C1orf167: variants seen among roughly 807,000 people sequenced by gnomAD.
C1orf167 encodes the protein chromosome 1 open reading frame 167, also known as uncharacterized protein C1orf167.
C1orf167 carries 153 observed loss-of-function variants against 176.5 expected under a neutral mutation model. That is an observed-to-expected ratio of 0.87 (90% CI 0.76 to 0.99). C1orf167 has a LOEUF of 0.99. Among genes scored for constraint, C1orf167 ranks in the 50% least tolerant of loss-of-function variants. The pLI is 0.00. For synonymous variants in C1orf167, 594 were observed against 752.7 expected (o/e 0.79, Z 3.45); for missense variants, 1,490 against 1,817.7 (o/e 0.82, Z 3.28).
At chr1:11,769,740 C>T (rs61773947) in intron 6 of C1orf167, among the ~76,000 whole-genome samples, 18,482 of 148,898 alleles carry the variant, frequency 0.12, 1,410 homozygotes, top group South Asian at 0.22. Context: ...GGCACAATCT[C>T]AGCTCACTGC....
chr1:11,773,320 C>T lies in C1orf167; in HGVS notation c.1988+1061C>T, dbSNP rs186781845. Among the ~76,000 whole-genome samples, 300 of 152,312 alleles carry T rather than the reference C, an allele frequency of 2.0e-3. 1 individual carries two copies. Among genetic ancestry groups the T allele is most frequent in the Middle Eastern group, 0.01 (3 of 294 alleles). Reference sequence around the variant, plus strand: ...TCATGTGTACTCCAAATACATCCCCCGCTCCAAATTATTTTGAGGCAAATC... The same window carrying T: ...TCATGTGTACTCCAAATACATCCCCTGCTCCAAATTATTTTGAGGCAAATC... On this transcript the variant is annotated intron_variant, in intron 8 of 20. Coordinates refer to ENST00000688073, the MANE Select transcript of C1orf167 (RefSeq NM_001010881.2).
At chr1:11,772,304 C>A in intron 8 of C1orf167, 45 bp downstream of exon 8, 1 of 1,269,430 alleles carries the variant, frequency 7.9e-7, no homozygotes. Flanking sequence ...CTCACTCTGT[C>A]ACCTAGGCTG....
rs138269689 is a variant in C1orf167, at chr1:11,776,467, G to A, written c.2168G>A (p.Arg723His). The A allele has an allele frequency of 3.2e-4, 412 of 1,301,622 alleles. 2 individuals are homozygous for A. The highest frequency in any genetic ancestry group is 3.1e-3 in the African/African-American group (202 of 65,834). 80.6% of individuals were successfully genotyped at this position (1,301,622 alleles called of 1,614,324 possible). A position where few individuals can be genotyped will look rare whatever the true frequency, so the allele number is the denominator to read the frequency against. ...TGGACTCTTGACGGTTTCTCAGGAC[G>A]TGAGGCTGTCTACACCGCAGGCCCT... ...QLSLCRQKAG[R>H]EAVYTAGPGA... The change falls in exon 10 of 21, where the codon CGT becomes CAT. Residue 723 changes from arginine to histidine, a missense_variant. Physicochemically the swap from Arg to His is conservative, Grantham distance 29. Transcript: ENST00000688073.
rs1461132699 is a variant in C1orf167 at position 11,775,536 on chromosome 1, G to T, written c.2090G>T (p.Trp697Leu). Residue 697 changes from tryptophan (W) to leucine (L), a missense_variant, in exon 9 of 21, where the codon TGG becomes TTG. Coordinates refer to ENST00000688073, the MANE Select transcript of C1orf167 (RefSeq NM_001010881.2). ...TGTLRKCLEQ[W>L]VRMKQLRESD... ...ACCCTGAGGAAATGCCTGGAACAGT[G>T]GGTGCGGATGAAGCAGCTCCGGGAA... is the stretch of plus-strand genomic sequence containing the variant. The T allele has an allele frequency of 1.5e-6, 2 of 1,304,274 alleles. No individual in the cohort carries two copies. 80.8% of individuals were successfully genotyped at this position (1,304,274 alleles called of 1,614,324 possible).
In C1orf167 at chr1:11,771,555, C is replaced by G; in HGVS notation, c.1729C>G (p.Gln577Glu). The part of the protein sequence containing the change: ...PGSLREEEIA[Q>E]RLLSHPRQRT... ...AAGTCTGAGGGAGGAGGAGATTGCT[C>G]AGCGGCTTCTGTCACATCCTAGGCA... is the stretch of plus-strand genomic sequence containing the variant. Residue 577 changes from glutamine to glutamate, a missense_variant, in exon 7 of 21, where the codon CAG becomes GAG. Coordinates refer to ENST00000688073, the MANE Select transcript of C1orf167 (RefSeq NM_001010881.2). 1 of 1,289,738 alleles carries G rather than the reference C, an allele frequency of 7.8e-7. No homozygotes were observed. The highest frequency in any genetic ancestry group is 1.5e-5 in the African/African-American group (1 of 65,952). 79.9% of individuals were successfully genotyped at this position (1,289,738 alleles called of 1,614,324 possible).
At chr1:11,765,449 C>G (rs1642743700) in intron 2 of C1orf167, among the ~76,000 whole-genome samples, 1 of 152,150 alleles carries the variant, frequency 6.6e-6, no homozygotes, top group Non-Finnish European at 1.5e-5. Flanking sequence ...CCTCTTTGCT[C>G]AAGCCAGAAA....
chr1:11,764,164 A>G (rs1642672631), intron 1 of C1orf167, among the ~76,000 whole-genome samples, 167 bp from the exon 2 acceptor site: 1 of 152,124 alleles, frequency 6.6e-6, no homozygotes, highest in African/African-American at 2.4e-5. Context: ...GGGGGTGATA[A>G]GTAGGGCAGG....
chr1:11,788,757 TC>T lies in C1orf167; in HGVS notation c.4173+14del, dbSNP rs1483422304. ...GCAGCAGGAAGATGGGTGGGTCCTTTCCCAGGTACTGCCCTCTTCCCTGCAT... is the reference window on the plus strand; with the variant it reads ...GCAGCAGGAAGATGGGTGGGTCCTTTCCAGGTACTGCCCTCTTCCCTGCAT... On this transcript the variant is annotated intron_variant, in intron 20 of 20. Coordinates refer to ENST00000688073, the MANE Select transcript of C1orf167 (RefSeq NM_001010881.2). The T allele has an allele frequency of 1.5e-5, 19 of 1,303,542 alleles. No homozygotes were observed. Among genetic ancestry groups the T allele is most frequent in the Non-Finnish European group, 1.8e-5 (18 of 988,560 alleles). The allele number at this position is 1,303,542 out of a possible 1,614,324, so 80.7% of individuals were successfully genotyped here.
In C1orf167 at chr1:11,771,515, T is replaced by G. The variant is rs1446960969; in HGVS notation, c.1698-9T>G. The G allele has an allele frequency of 1.6e-6, 2 of 1,288,570 alleles. No homozygotes were observed. The highest frequency in any genetic ancestry group is 4.6e-5 in the Admixed American group (2 of 43,554). 79.8% of individuals were successfully genotyped at this position (1,288,570 alleles called of 1,614,324 possible). On this transcript the variant is annotated splice_polypyrimidine_tract_variant and intron_variant, in intron 6 of 20. Transcript: ENST00000688073. ...TCATCAGCTTCTCTCTGGGCAACTTTGCTTTTAGTCCAGGAAGTCTGAGGG... is the reference window on the plus strand; with the variant it reads ...TCATCAGCTTCTCTCTGGGCAACTTGGCTTTTAGTCCAGGAAGTCTGAGGG...
In C1orf167 at chr1:11,789,535, G is replaced by A; in HGVS notation, c.*89G>A. 8.5e-7 allele frequency: 1 copy of A among 1,170,990 alleles called. No individual in the cohort carries two copies. The highest frequency in any genetic ancestry group is 1.1e-6 in the Non-Finnish European group (1 of 892,982). The allele number at this position is 1,170,990 out of a possible 1,614,324, so 72.5% of individuals were successfully genotyped here. A position where few individuals can be genotyped will look rare whatever the true frequency, so the allele number is the denominator to read the frequency against. Reference sequence around the variant, plus strand: ...ACACATCCAGGGAGTGATGACAGAGGGGACAGCTTGAAGAGCTCTGAAGGA... The same window carrying A: ...ACACATCCAGGGAGTGATGACAGAGAGGACAGCTTGAAGAGCTCTGAAGGA... On this transcript the variant is annotated 3_prime_UTR_variant, in exon 21 of 21. Transcript: ENST00000688073.
rs144054436 is a variant in C1orf167, at chr1:11,785,618, C to T, written c.3567+329C>T. 1.5e-3 allele frequency: 264 copies of T among 178,298 alleles called. 4 individuals are homozygous for T. Among genetic ancestry groups the T allele is most frequent in the African/African-American group, 5.7e-3 (244 of 43,006 alleles). The allele number at this position is 178,298 out of a possible 1,614,324, so 11.0% of individuals were successfully genotyped here. On this transcript the variant is annotated intron_variant, in intron 16 of 20. Transcript: ENST00000688073. The stretch of plus-strand genomic sequence containing the variant: ...AGTGCCAGGCCACTGCAGGTCCGGC[C>T]GCAAAGACCAGCATGTTGGGTCACA...
rs1455814000 is a variant in C1orf167, at chr1:11,768,137, G to A, written c.1404G>A (p.Glu468=). Residue 468 remains glutamate, a synonymous_variant, in exon 5 of 21, where the codon GAG becomes GAA. Coordinates refer to ENST00000688073, the MANE Select transcript of C1orf167 (RefSeq NM_001010881.2). The surrounding 1 kb of genome is among the most constrained non-coding windows in gnomAD (Gnocchi z 4.5). ...GGCACTTGGTGAAGAGGCAGCGGGA[G>A]CCAGCGGCGGCGGCAGTGGCACTGG... ...SWRHLVKRQR[E]PAAAAVALGR... is the part of the protein sequence containing the mutation. 1 of 1,289,718 alleles carries A rather than the reference G, an allele frequency of 7.8e-7. No individual in the cohort carries two copies. Among genetic ancestry groups the A allele is most frequent in the Non-Finnish European group, 1.0e-6 (1 of 988,840 alleles). 79.9% of individuals were successfully genotyped at this position (1,289,718 alleles called of 1,614,324 possible). A position where few individuals can be genotyped will look rare whatever the true frequency, so the allele number is the denominator to read the frequency against.
Position 11,775,588 on chromosome 1 carries a change from G to A in C1orf167, c.2142G>A (p.Leu714=). The change falls in exon 9 of 21, where the codon CTG becomes CTA. Residue 714 remains leucine, a synonymous_variant. Transcript: ENST00000688073. The part of the protein sequence containing the change: ...RESDGAKVTQ[L]SLCRQKAGRE... Reference sequence around the variant, plus strand: ...CAGATGGGGCAAAGGTGACCCAGCTGTCCCTCTGCCGGCAGAAAGCAGGTG... The same window carrying A: ...CAGATGGGGCAAAGGTGACCCAGCTATCCCTCTGCCGGCAGAAAGCAGGTG... 2.3e-6 allele frequency: 3 copies of A among 1,303,502 alleles called. No individual in the cohort carries two copies. Among genetic ancestry groups the A allele is most frequent in the Non-Finnish European group, 3.0e-6 (3 of 988,646 alleles). The allele number at this position is 1,303,502 out of a possible 1,614,324, so 80.7% of individuals were successfully genotyped here. A position where few individuals can be genotyped will look rare whatever the true frequency, so the allele number is the denominator to read the frequency against.
chr1:11,779,588 G>A (rs1643495160), intron 12 of C1orf167: 1 of 324,036 alleles, frequency 3.1e-6, no homozygotes, highest in African/African-American at 2.2e-5. Context: ...TGGGGGTCTA[G>A]AATCCCACCC....
intron 6 of C1orf167, 67 bp from the exon 7 acceptor site, chr1:11,771,457 G>A (rs1427987769): frequency 1.9e-6 from 2 of 1,042,662 alleles, no homozygotes; most frequent in Non-Finnish European, 2.6e-6. Context: ...GGGTGGGGCG[G>A]ACAGGTTGGG....
intron 6 of C1orf167, among the ~76,000 whole-genome samples, chr1:11,771,297 T>TA (rs146737787): frequency 0.099 from 14,922 of 151,424 alleles, 800 homozygotes; most frequent in South Asian, 0.19. Flanking sequence ...GTTTGTTGTT[T>TA]AAAAAAATCC....
chr1:11,769,492 C>A (rs1371000372), intron 6 of C1orf167, among the ~76,000 whole-genome samples: 2 of 151,910 alleles, frequency 1.3e-5, no homozygotes, highest in Non-Finnish European at 2.9e-5. Context: ...CACTTGAGGC[C>A]AGGAAATCAA....
intron 20 of C1orf167, 186 bp downstream of exon 20, chr1:11,788,932 G>C (rs1643992066): frequency 2.3e-6 from 1 of 433,582 alleles, no homozygotes; most frequent in Non-Finnish European, 4.0e-6. Flanking sequence ...CCCTTGCTTT[G>C]ATTTGTGGCC....
intron 6 of C1orf167, 22 bp from the exon 7 acceptor site, chr1:11,771,502 C>T (rs1262827797): frequency 1.6e-6 from 2 of 1,283,846 alleles, no homozygotes; most frequent in East Asian, 5.6e-5. Context: ...ATCAGCTTCT[C>T]TCTGGGCAAC....
Sources: gnomAD v4.1 joint callset for allele counts (sites outside exome capture counted in the v4.1 genomes callset) on GRCh38, gnomAD v4.1.1 for gene constraint, Gnocchi (gnomAD v3.1) non-coding constraint, MANE v1.5 for transcripts, NCBI Gene and HGNC (gene_info 2026-07-23, HGNC 2026-07-21) for gene names.